Variants in LNX2 observed in about 807,000 individuals in gnomAD.
LNX2 encodes the protein ligand of numb-protein X 2.
LNX2 carries 35 observed loss-of-function variants against 66.2 expected under a neutral mutation model. The ratio of observed to expected loss-of-function variants is 0.53; its 90% confidence interval spans 0.40 to 0.70. The LOEUF is 0.70. LNX2 is among the 30% of genes least tolerant of loss of function. LNX2 has a pLI of 0.00. For missense variants in LNX2, 791 were observed against 850.8 expected (o/e 0.93, Z 0.87); for synonymous variants, 337 against 315.6 (o/e 1.07, Z -0.72).
intron 4 of LNX2, among the ~76,000 whole-genome samples, chr13:27,565,572 C>A (rs1261921826): frequency 6.6e-6 from 1 of 152,148 alleles, no homozygotes; most frequent in Non-Finnish European, 1.5e-5. Context: ...CCAGCCTGTG[C>A]AGCTAAAGTA....
chr13:27,583,261 C>CGCGCGCACGCGCGCGCGCGT lies in LNX2; in HGVS notation c.-100-1459_-100-1458insACGCGCGCGCGCGTGCGCGC, dbSNP rs11281345. The stretch of plus-strand genomic sequence containing the variant: ...GTGTGTGTGTGTGTGTGTGTGCGCG[C>CGCGCGCACGCGCGCGCGCGT]GTCCTCTCCAACATACTTATTTTTA... On this transcript the variant is annotated intron_variant, in intron 1 of 9. Coordinates refer to ENST00000316334, the MANE Select transcript of LNX2 (RefSeq NM_153371.4). Among the ~76,000 whole-genome samples, 2 of 45,480 alleles carry CGCGCGCACGCGCGCGCGCGT rather than the reference C, an allele frequency of 4.4e-5. 1 individual carries two copies. The highest frequency in any genetic ancestry group is 1.7e-4 in the African/African-American group (2 of 11,766). 29.8% of individuals were successfully genotyped at this position (45,480 alleles called of 152,430 possible).
chr13:27,578,643 A>T (rs1034024237), intron 2 of LNX2, among the ~76,000 whole-genome samples: 2 of 152,198 alleles, frequency 1.3e-5, no homozygotes, highest in African/African-American at 4.8e-5. Flanking sequence ...CCACTTATGT[A>T]AGAACTTTAA....
chr13:27,549,647 T>C (rs910681733), intron 9 of LNX2, among the ~76,000 whole-genome samples: 1 of 152,216 alleles, frequency 6.6e-6, no homozygotes, highest in Non-Finnish European at 1.5e-5. Context: ...ACTTACCTCA[T>C]AGGATTGTTA....
At chr13:27,560,026 T>C (rs377765235) in intron 5 of LNX2, 41 bp from the exon 6 acceptor site, 6 of 1,492,138 alleles carry the variant, frequency 4.0e-6, no homozygotes, top group Non-Finnish European at 5.4e-6. Context: ...TGACTAATGA[T>C]GTTTGTCATT....
At chr13:27,561,629 T>C (rs188819317) in intron 5 of LNX2, among the ~76,000 whole-genome samples, 14 of 152,366 alleles carry the variant, frequency 9.2e-5, no homozygotes, top group Admixed American at 8.5e-4. Flanking sequence ...GATTCTGTGT[T>C]GTAAACACAT....
chr13:27,596,234 G>C (rs1239811634), intron 1 of LNX2, among the ~76,000 whole-genome samples: 1 of 152,026 alleles, frequency 6.6e-6, no homozygotes, highest in East Asian at 1.9e-4. Flanking sequence ...GGTATGTCAA[G>C]AATGCATAAA....
Position 27,578,033 on chromosome 13 carries a change from A to C in LNX2, c.407+3264T>G, listed in dbSNP as rs542300545. 4.1e-5 allele frequency among the ~76,000 whole-genome samples: 6 copies of C among 145,822 alleles called. No individual in the cohort carries two copies. In the East Asian group the frequency reaches 1.2e-3, roughly 28 times the overall value. On this transcript the variant is annotated intron_variant, in intron 2 of 9. Transcript: ENST00000316334. ...TTAAAATTCTTCATTTCACTAATAC[A>C]TAATCAGTTAAAAATAGCAGTTTTA...
At chr13:27,612,861 C>T (rs949789476) in intron 1 of LNX2, among the ~76,000 whole-genome samples, 3 of 152,210 alleles carry the variant, frequency 2.0e-5, no homozygotes, top group African/African-American at 7.2e-5. Flanking sequence ...AAGTGAGCCA[C>T]CATGCCTGGT....
rs76461127 is a variant in LNX2, at chr13:27,589,240, A to C, written c.-100-7437T>G. ...CCCCAGAGCCTCTTCCTACTGGAAG[A>C]AGCATATCTGGATATTTAGCTGCAT... is the stretch of plus-strand genomic sequence containing the variant. On this transcript the variant is annotated intron_variant, in intron 1 of 9. Coordinates refer to ENST00000316334, the MANE Select transcript of LNX2 (RefSeq NM_153371.4). Among the ~76,000 whole-genome samples, 76 of 152,372 alleles carry C rather than the reference A, an allele frequency of 5.0e-4. No homozygotes were observed. In the East Asian group the frequency reaches 0.012, roughly 25 times the overall value.
intron 1 of LNX2, among the ~76,000 whole-genome samples, chr13:27,582,024 GA>G (rs1215019617): frequency 6.6e-6 from 1 of 151,956 alleles, no homozygotes. Flanking sequence ...TGTCTCTTTT[GA>G]TTTTTTTATT....
At chr13:27,609,997 A>G (rs1253630864) in intron 1 of LNX2, among the ~76,000 whole-genome samples, 2 of 152,210 alleles carry the variant, frequency 1.3e-5, no homozygotes, top group Non-Finnish European at 2.9e-5. Context: ...AATACATCTC[A>G]TCTATAATAA....
At chr13:27,600,584 T>G (rs1955646609) in intron 1 of LNX2, among the ~76,000 whole-genome samples, 1 of 152,192 alleles carries the variant, frequency 6.6e-6, no homozygotes, top group African/African-American at 2.4e-5. Flanking sequence ...CTGCAAATGA[T>G]GGAAAACCTG....
intron 7 of LNX2, among the ~76,000 whole-genome samples, chr13:27,555,202 G>A (rs1042423475): frequency 5.9e-5 from 9 of 152,178 alleles, no homozygotes; most frequent in African/African-American, 2.2e-4. Flanking sequence ...ACCTGCCTTG[G>A]CCTCCCAAAG....
At chr13:27,567,287 C>T (rs958086461) in intron 4 of LNX2, among the ~76,000 whole-genome samples, 28 of 151,854 alleles carry the variant, frequency 1.8e-4, no homozygotes, top group African/African-American at 6.8e-4. Context: ...TAAAATAATA[C>T]CAATGAGATG....
chr13:27,591,635 T>G (rs1190888705), intron 1 of LNX2, among the ~76,000 whole-genome samples: 2 of 152,178 alleles, frequency 1.3e-5, no homozygotes, highest in Admixed American at 1.3e-4. Flanking sequence ...TTATTGAGAA[T>G]CTCCTATGTG....
chr13:27,573,167 G>C (rs913507411), intron 2 of LNX2, among the ~76,000 whole-genome samples: 3 of 152,076 alleles, frequency 2.0e-5, no homozygotes, highest in Non-Finnish European at 4.4e-5. Flanking sequence ...CACCTCCCCA[G>C]AATATTGGAA....
intron 1 of LNX2, among the ~76,000 whole-genome samples, chr13:27,585,308 G>C (rs1593254204): frequency 6.6e-6 from 1 of 151,940 alleles, no homozygotes; most frequent in East Asian, 1.9e-4. Context: ...TGTAGTCCCA[G>C]CTACTCAGGA....
At chr13:27,550,086 G>C (rs775528073) in intron 9 of LNX2, among the ~76,000 whole-genome samples, 1 of 152,136 alleles carries the variant, frequency 6.6e-6, no homozygotes, top group Non-Finnish European at 1.5e-5. Context: ...AATTTTTTCC[G>C]TAAGGGGTCA....
intron 1 of LNX2, among the ~76,000 whole-genome samples, chr13:27,587,351 T>C (rs1955498452): frequency 6.6e-6 from 1 of 152,156 alleles, no homozygotes; most frequent in African/African-American, 2.4e-5. Flanking sequence ...ATTCCTACAG[T>C]GCATGTTTGC....
Sources: gnomAD v4.1 joint callset for allele counts (sites outside exome capture counted in the v4.1 genomes callset) on GRCh38, gnomAD v4.1.1 for gene constraint, MANE v1.5 for transcripts, NCBI Gene and HGNC (gene_info 2026-07-23, HGNC 2026-07-21) for gene names.